Variants in PAQR9 observed in about 807,000 individuals in gnomAD.
PAQR9 encodes the protein progestin and adipoQ receptor family member 9.
Under a neutral mutation model 24.0 loss-of-function variants are expected in PAQR9, and 12 were observed. The observed-to-expected ratio is 0.50, with a 90% CI of 0.32 to 0.81. The LOEUF is 0.81. Among genes scored for constraint, PAQR9 ranks in the 30% least tolerant of loss-of-function variants. PAQR9 has a pLI of 0.03. For synonymous variants in PAQR9, 266 were observed against 237.6 expected, an observed-to-expected ratio of 1.12 and a Z score of -1.10; for missense variants, 418 against 520.8, an observed-to-expected ratio of 0.80 and a Z score of 1.92.
At chr3:142,951,484 T>G (rs1934709704), downstream of PAQR9, 1 of 323,022 alleles carries the variant, frequency 3.1e-6, no homozygotes. Context: ...TAAAGAGCAT[T>G]CCTGATCACC....
chr3:142,962,268 C>G lies in PAQR9; in HGVS notation c.1069G>C (p.Val357Leu), dbSNP rs1934909443. 21 of 1,614,180 alleles carry G rather than the reference C, an allele frequency of 1.3e-5. No individual in the cohort carries two copies. The highest frequency in any genetic ancestry group is 1.8e-5 in the Non-Finnish European group (21 of 1,180,044). Residue 357 changes from valine (V) to leucine (L), a missense_variant, in exon 1 of 1, where the codon GTG becomes CTG. Transcript: ENST00000340634. The part of the protein sequence containing the change: ...SGTVGYMLLL[V>L]VCLGLVIRKF... ...CTGATTACCAGCCCCAGGCAGACCACCAGCAGCAGCATGTAGCCCACAGTA... is the reference window on the plus strand; with the variant it reads ...CTGATTACCAGCCCCAGGCAGACCAGCAGCAGCAGCATGTAGCCCACAGTA...
rs748846029 is a variant in PAQR9 at position 142,954,898 on chromosome 3, G to A, written c.*7305C>T. On this transcript the variant is annotated 3_prime_UTR_variant, in exon 1 of 1. Coordinates refer to ENST00000340634, the MANE Select transcript of PAQR9 (RefSeq NM_198504.4). Reference sequence around the variant, plus strand: ...TGTTAGTCCATGCCTGGAAGCTCACGTATCCTGAGAATGCCTCTCTTGCTA... The same window carrying A: ...TGTTAGTCCATGCCTGGAAGCTCACATATCCTGAGAATGCCTCTCTTGCTA... Among the ~76,000 whole-genome samples, 3 of 152,164 alleles carry A rather than the reference G, an allele frequency of 2.0e-5. No homozygotes were observed. Among genetic ancestry groups the A allele is most frequent in the African/African-American group, 4.8e-5 (2 of 41,432 alleles).
Position 142,962,420 on chromosome 3 carries a change from A to T in PAQR9, c.917T>A (p.Ile306Asn). The change falls in exon 1 of 1, where the codon ATT becomes AAT. Residue 306 changes from isoleucine (I) to asparagine (N), a missense_variant. Around this residue, in one of 3 missense-constraint regions of PAQR9, gnomAD observed 230 missense variants for 305.2 expected, o/e 0.75. Coordinates refer to ENST00000340634, the MANE Select transcript of PAQR9 (RefSeq NM_198504.4). ...PERIQPGLFD[I>N]IGHSHQLFHI... ...GAAGAGCTGGTGGCTGTGGCCGATA[A>T]TGTCGAAAAGACCCGGCTGGATGCG... The T allele has an allele frequency of 6.2e-7, 1 of 1,614,158 alleles. No homozygotes were observed.
At chr3:142,951,654 G>A, downstream of PAQR9, 1 of 454,124 alleles carries the variant, frequency 2.2e-6, no homozygotes, top group Admixed American at 2.4e-5. Context: ...TTCTGAACAA[G>A]AATTAGAATG....
downstream of PAQR9, among the ~76,000 whole-genome samples, chr3:142,953,123 C>A (rs575112164): frequency 4.2e-4 from 64 of 152,190 alleles, no homozygotes; most frequent in Non-Finnish European, 7.4e-4. Flanking sequence ...TGATGGCTGC[C>A]GTATACTGGT....
At position 142,962,542 on chromosome 3, in the gene PAQR9, G is replaced by A. The variant is rs1934920102; in HGVS notation, c.795C>T (p.Asp265=). The change falls in exon 1 of 1, where the codon GAC becomes GAT. Residue 265 remains aspartate (D), a synonymous_variant. Transcript: ENST00000340634. The part of the protein sequence containing the change: ...CPIMLESWLF[D]LRGENPTLFV... The stretch of plus-strand genomic sequence containing the variant: ...AGAGTGTGGGGTTCTCCCCACGCAG[G>A]TCGAAGAGCCAGCTCTCGAGCATAA... The A allele has an allele frequency of 1.7e-5, 27 of 1,613,828 alleles. No individual in the cohort carries two copies. The highest frequency in any genetic ancestry group is 2.1e-5 in the Non-Finnish European group (25 of 1,179,996).
Position 142,962,253 on chromosome 3 carries a change from G to A in PAQR9, c.1084C>T (p.Leu362=), listed in dbSNP as rs144482937. 2,165 of 1,614,120 alleles carry A rather than the reference G, an allele frequency of 1.3e-3. 3 individuals are homozygous for A. Among genetic ancestry groups the A allele is most frequent in the Admixed American group, 1.7e-3 (102 of 60,030 alleles). Residue 362 remains leucine (L), a synonymous_variant, in exon 1 of 1, where the codon CTG becomes TTG. Coordinates refer to ENST00000340634, the MANE Select transcript of PAQR9 (RefSeq NM_198504.4). ...YMLLLVVCLG[L]VIRKFLNSSE... is the part of the protein sequence containing the mutation. ...CTGTTTAGGAACTTCCTGATTACCA[G>A]CCCCAGGCAGACCACCAGCAGCAGC...
chr3:142,951,042 C>T (rs191722888), downstream of PAQR9, among the ~76,000 whole-genome samples: 1 of 152,246 alleles, frequency 6.6e-6, no homozygotes, highest in East Asian at 1.9e-4. Flanking sequence ...ATGAGAATAG[C>T]ACTTATTGTT....
chr3:142,963,775 A>G (rs532390241), upstream of PAQR9: 2,619 of 970,544 alleles, frequency 2.7e-3, 53 homozygotes, highest in African/African-American at 0.043. Flanking sequence ...CGCACCGAGG[A>G]AGGGCGGGGG....
chr3:142,953,432 T>C (rs540084789), downstream of PAQR9, among the ~76,000 whole-genome samples: 20 of 152,218 alleles, frequency 1.3e-4, 1 homozygote, highest in South Asian at 4.1e-3. Flanking sequence ...AAGGAGAGTG[T>C]GTGCTAGCCA....
chr3:142,955,442 TAAAA>T lies in PAQR9; in HGVS notation c.*6757_*6760del, dbSNP rs150071656. On this transcript the variant is annotated 3_prime_UTR_variant, in exon 1 of 1. Coordinates refer to ENST00000340634, the MANE Select transcript of PAQR9 (RefSeq NM_198504.4). Reference sequence around the variant, plus strand: ...GAGCGACCACATGGTCTATACAAATTAAAAAAAAAAAAAAAAAAAAAAAAAAAAA... The same window carrying T: ...GAGCGACCACATGGTCTATACAAATTAAAAAAAAAAAAAAAAAAAAAAAAA... Among the ~76,000 whole-genome samples the T allele has an allele frequency of 0.017, 366 of 21,498 alleles. No individual in the cohort carries two copies. Among genetic ancestry groups the T allele is most frequent in the African/African-American group, 0.039 (332 of 8,496 alleles). 14.1% of individuals were successfully genotyped at this position (21,498 alleles called of 152,430 possible).
chr3:142,951,587 T>C (rs1346459203), downstream of PAQR9: 15 of 404,346 alleles, frequency 3.7e-5, 1 homozygote, highest in East Asian at 8.4e-4. Flanking sequence ...GATTTATTAG[T>C]AGGCATTGGT....
chr3:142,963,258 G>A lies in PAQR9; in HGVS notation c.79C>T (p.Arg27Trp), dbSNP rs1450751797. The stretch of plus-strand genomic sequence containing the variant: ...CGGGAGGCGGCAGAGTGGGAGTTCC[G>A]GGCGGCCCCCGAAGCTGCCGGGGCC... ...APAPAASGAA[R>W]NSHSAASRDP... The change falls in exon 1 of 1, where the codon CGG becomes TGG. Residue 27 changes from arginine (R) to tryptophan (W), a missense_variant. Coordinates refer to ENST00000340634, the MANE Select transcript of PAQR9 (RefSeq NM_198504.4). The A allele has an allele frequency of 2.0e-6, 3 of 1,527,094 alleles. No individual in the cohort carries two copies. Among genetic ancestry groups the A allele is most frequent in the East Asian group, 2.5e-5 (1 of 40,272 alleles). 94.6% of individuals were successfully genotyped at this position (1,527,094 alleles called of 1,614,324 possible).
chr3:142,962,183 G>A lies in PAQR9; in HGVS notation c.*20C>T. 6.2e-7 allele frequency: 1 copy of A among 1,605,982 alleles called. No individual in the cohort carries two copies. The highest frequency in any genetic ancestry group is 8.5e-7 in the Non-Finnish European group (1 of 1,175,582). On this transcript the variant is annotated 3_prime_UTR_variant, in exon 1 of 1. Transcript: ENST00000340634. ...CTCCAAACAGATGGGCGAACCAGTA[G>A]TCTCCTCCAAGGCGGAGGCTCACTT...
In PAQR9 at chr3:142,959,919, C is replaced by T. The variant is rs1404199525; in HGVS notation, c.*2284G>A. On this transcript the variant is annotated 3_prime_UTR_variant, in exon 1 of 1. Coordinates refer to ENST00000340634, the MANE Select transcript of PAQR9 (RefSeq NM_198504.4). ...GCTTCCAAACCAATGTTCTTTGGGG[C>T]TCTAGAAAAAACAACAATGACATGC... Among the ~76,000 whole-genome samples the T allele has an allele frequency of 6.6e-6, 1 of 152,100 alleles. No homozygotes were observed. Among genetic ancestry groups the T allele is most frequent in the Non-Finnish European group, 1.5e-5 (1 of 68,030 alleles).
At position 142,956,675 on chromosome 3, in the gene PAQR9, CT is replaced by C. The variant is rs200441859; in HGVS notation, c.*5527del. Among the ~76,000 whole-genome samples, 1,800 of 152,288 alleles carry C rather than the reference CT, an allele frequency of 0.012. 15 individuals are homozygous for C. Among genetic ancestry groups the C allele is most frequent in the Middle Eastern group, 0.027 (8 of 294 alleles). On this transcript the variant is annotated 3_prime_UTR_variant, in exon 1 of 1. Coordinates refer to ENST00000340634, the MANE Select transcript of PAQR9 (RefSeq NM_198504.4). ...ACAGCTAAATGAGCATTCTTGGCCCCTGACCTATAAATAAACACTCTAATTC... is the reference window on the plus strand; with the variant it reads ...ACAGCTAAATGAGCATTCTTGGCCCCGACCTATAAATAAACACTCTAATTC...
Position 142,963,146 on chromosome 3 carries a change from C to T in PAQR9, c.191G>A (p.Arg64Gln), listed in dbSNP as rs752578110. ...FVECFILSGY[R>Q]RLPCTAQECL... ...CTCCTGGGCCGTGCACGGCAGACGC[C>T]GGTAGCCCGACAGGATGAAGCACTC... Residue 64 changes from arginine to glutamine, a missense_variant, in exon 1 of 1, where the codon CGG becomes CAG. Physicochemically the swap from Arg to Gln is conservative, Grantham distance 43. Transcript: ENST00000340634. 2.5e-6 allele frequency: 4 copies of T among 1,608,378 alleles called. No individual in the cohort carries two copies. Among genetic ancestry groups the T allele is most frequent in the Non-Finnish European group, 3.4e-6 (4 of 1,177,388 alleles).
At position 142,962,993 on chromosome 3, in the gene PAQR9, T is replaced by C. The variant is rs1201575603; in HGVS notation, c.344A>G (p.His115Arg). The C allele has an allele frequency of 5.6e-6, 9 of 1,613,730 alleles. No homozygotes were observed. In the Admixed American group the frequency reaches 1.5e-4, roughly 27 times the overall value. Residue 115 changes from histidine to arginine, a missense_variant, in exon 1 of 1, where the codon CAC becomes CGC. Transcript: ENST00000340634. Reference sequence around the variant, plus strand: ...CCACAACGGTAGCAGCCACGGGTGGTGGAAGGGCACGTCGCCGCCGCTCAG... The same window carrying C: ...CCACAACGGTAGCAGCCACGGGTGGCGGAAGGGCACGTCGCCGCCGCTCAG... ...FFLSGGDVPFHHPWLLPLWCY... is the reference protein window; with the variant it reads ...FFLSGGDVPFRHPWLLPLWCY...
chr3:142,952,134 T>C (rs1417716288), downstream of PAQR9, among the ~76,000 whole-genome samples: 3 of 152,136 alleles, frequency 2.0e-5, no homozygotes, highest in Non-Finnish European at 4.4e-5. Flanking sequence ...TAGTACATTT[T>C]TAAATTCTTG....
Sources: allele counts gnomAD v4.1 joint callset (sites outside exome capture counted in the v4.1 genomes callset), GRCh38; gene constraint gnomAD v4.1.1; regional missense constraint gnomAD v4.1.1; transcripts MANE v1.5; gene names NCBI Gene and HGNC (gene_info 2026-07-23, HGNC 2026-07-21).